Variants in SLC39A10 observed in about 807,000 individuals in gnomAD.
SLC39A10 encodes zinc transporter ZIP10.
Under a neutral mutation model 65.1 loss-of-function variants are expected in SLC39A10, and 13 were observed. That is an observed-to-expected ratio of 0.20 (90% CI 0.13 to 0.32). The LOEUF is 0.32. Among genes scored for constraint, SLC39A10 ranks in the 10% least tolerant of loss-of-function variants. The probability of loss-of-function intolerance (pLI) is 1.00; values close to 1 mark genes in which losing one functional copy is unlikely to be tolerated. For missense variants in SLC39A10, 831 were observed against 1,018.4 expected (o/e 0.82, Z 2.50); for synonymous variants, 321 against 342.2 (o/e 0.94, Z 0.68).
Position 195,713,682 on chromosome 2 carries a change from A to G in SLC39A10, c.1696+129A>G, listed in dbSNP as rs550863128. The G allele has an allele frequency of 1.1e-3, 1,200 of 1,135,904 alleles. 3 individuals are homozygous for G. The highest frequency in any genetic ancestry group is 1.3e-3 in the Non-Finnish European group (1,106 of 838,214). The allele number at this position is 1,135,904 out of a possible 1,614,324, so 70.4% of individuals were successfully genotyped here. ...TACAGTAAACTAAATACAAGATGAA[A>G]AGCAGAAAAGGTGTTACCCTCATAG... On this transcript the variant is annotated intron_variant, in intron 6 of 9. Transcript: ENST00000359634.
intron 2 of SLC39A10, among the ~76,000 whole-genome samples, chr2:195,647,944 G>T (rs947213299): frequency 6.6e-6 from 1 of 152,082 alleles, no homozygotes; most frequent in African/African-American, 2.4e-5. Flanking sequence ...ATAAATCTAA[G>T]GACTGAAAAG....
intron 5 of SLC39A10, among the ~76,000 whole-genome samples, chr2:195,711,551 C>T (rs770504879): frequency 5.9e-5 from 9 of 152,076 alleles, no homozygotes; most frequent in Non-Finnish European, 1.3e-4. Context: ...GTAAATAGGA[C>T]AATAAGTAAC....
chr2:195,649,068 C>T (rs1234358187), intron 2 of SLC39A10, among the ~76,000 whole-genome samples: 1 of 152,068 alleles, frequency 6.6e-6, no homozygotes, highest in Admixed American at 6.5e-5. Flanking sequence ...CGCTAACCAC[C>T]GGGCACTGCC....
At position 195,711,224 on chromosome 2, in the gene SLC39A10, G is replaced by A. The variant is rs528938199; in HGVS notation, c.1576-2209G>A. Among the ~76,000 whole-genome samples the A allele has an allele frequency of 5.3e-5, 8 of 152,302 alleles. No homozygotes were observed. The South Asian group carries it at 1.7e-3, about 32-fold the overall frequency. On this transcript the variant is annotated intron_variant, in intron 5 of 9. Transcript: ENST00000359634. ...AGCTTTCCCTTTAACCATCACGTCA[G>A]TACTCAAGTTTCAGATTTTGGAACA...
chr2:195,677,938 T>C (rs539582816), intron 1 of SLC39A10, among the ~76,000 whole-genome samples: 1 of 152,166 alleles, frequency 6.6e-6, no homozygotes, highest in African/African-American at 2.4e-5. Flanking sequence ...TTAGTAAAAA[T>C]GGTTTTACCA....
chr2:195,615,263 T>C (rs1688181080), intron 2 of SLC39A10, among the ~76,000 whole-genome samples: 1 of 152,098 alleles, frequency 6.6e-6, no homozygotes. Context: ...GGCTTGGGAA[T>C]ATGCATTTTT....
intron 3 of SLC39A10, among the ~76,000 whole-genome samples, chr2:195,699,865 G>A (rs758216550): frequency 5.9e-5 from 9 of 152,036 alleles, no homozygotes; most frequent in Non-Finnish European, 1.2e-4. Flanking sequence ...TGAAAGTGGA[G>A]TACTGAGGTC....
At chr2:195,663,555 T>C (rs1689501742) in intron 1 of SLC39A10, among the ~76,000 whole-genome samples, 1 of 152,168 alleles carries the variant, frequency 6.6e-6, no homozygotes. Context: ...TCTGTGTATA[T>C]ATACATTATA....
chr2:195,710,821 T>C, intron 5 of SLC39A10, among the ~76,000 whole-genome samples: 1 of 152,182 alleles, frequency 6.6e-6, no homozygotes, highest in Admixed American at 6.6e-5. Flanking sequence ...ATTTAGATTT[T>C]GAAGGGGCTT....
intron 2 of SLC39A10, among the ~76,000 whole-genome samples, chr2:195,613,160 T>C (rs937337682): frequency 6.6e-6 from 1 of 152,178 alleles, no homozygotes; most frequent in Non-Finnish European, 1.5e-5. Context: ...TTCTCTGACC[T>C]GGCACCCTTC....
chr2:195,616,918 T>TA (rs1254224807), intron 2 of SLC39A10, among the ~76,000 whole-genome samples: 1 of 152,164 alleles, frequency 6.6e-6, no homozygotes, highest in Non-Finnish European at 1.5e-5. Flanking sequence ...AATCTTTTGT[T>TA]AAAGAGCCAT....
intron 3 of SLC39A10, among the ~76,000 whole-genome samples, chr2:195,689,804 A>G (rs1001727574): frequency 3.3e-5 from 5 of 152,188 alleles, no homozygotes; most frequent in South Asian, 2.1e-4. Flanking sequence ...AAATAGAACC[A>G]TACATTATTT....
At chr2:195,618,481 A>G (rs1341163302) in intron 2 of SLC39A10, among the ~76,000 whole-genome samples, 1 of 152,256 alleles carries the variant, frequency 6.6e-6, no homozygotes, top group Non-Finnish European at 1.5e-5. Flanking sequence ...AGTGTTGGGG[A>G]AATTTAAATA....
intron 1 of SLC39A10, among the ~76,000 whole-genome samples, chr2:195,664,908 T>C (rs1310534053): frequency 6.6e-6 from 1 of 152,094 alleles, no homozygotes; most frequent in African/African-American, 2.4e-5. Context: ...ACAGGCTGGG[T>C]GCAGTGGCTC....
At chr2:195,633,619 T>A (rs974361759) in intron 2 of SLC39A10, among the ~76,000 whole-genome samples, 3 of 152,034 alleles carry the variant, frequency 2.0e-5, no homozygotes, top group African/African-American at 7.2e-5. Context: ...GGATAGTAAA[T>A]GTGGGAGGTT....
At chr2:195,733,523 T>C (rs1692490779) in intron 9 of SLC39A10, among the ~76,000 whole-genome samples, 1 of 152,190 alleles carries the variant, frequency 6.6e-6, no homozygotes, top group African/African-American at 2.4e-5. Flanking sequence ...ATTAAGTATA[T>C]AAACTTTTCT....
chr2:195,725,953 TA>T lies in SLC39A10; in HGVS notation c.2147-2199del, dbSNP rs370210103. Among the ~76,000 whole-genome samples, 28 of 152,294 alleles carry T rather than the reference TA, an allele frequency of 1.8e-4. No homozygotes were observed. The East Asian group carries it at 5.0e-3, about 27-fold the overall frequency. ...GTTGGTTGCCTAAGGGCAAGTGGCC[TA>T]AAAAAATTTTGGAAGGGTAATGAAA... On this transcript the variant is annotated intron_variant, in intron 8 of 9. Coordinates refer to ENST00000359634, the MANE Select transcript of SLC39A10 (RefSeq NM_020342.3).
intron 2 of SLC39A10, among the ~76,000 whole-genome samples, chr2:195,643,592 T>C (rs1461930614): frequency 6.6e-6 from 1 of 152,240 alleles, no homozygotes; most frequent in Non-Finnish European, 1.5e-5. Context: ...AGAATAACTA[T>C]AGCTGATTAC....
intron 1 of SLC39A10, among the ~76,000 whole-genome samples, chr2:195,675,178 C>T (rs1267229750): frequency 6.6e-6 from 1 of 151,942 alleles, no homozygotes. Context: ...TCCATCCAAA[C>T]AAGATTTCTG....
Sources: allele counts gnomAD v4.1 joint callset (sites outside exome capture counted in the v4.1 genomes callset), GRCh38; gene constraint gnomAD v4.1.1; transcripts MANE v1.5; gene names NCBI Gene and HGNC (gene_info 2026-07-23, HGNC 2026-07-21).